C12orf54: variants seen among roughly 807,000 people sequenced by gnomAD.
C12orf54 encodes uncharacterized protein C12orf54.
Under a neutral mutation model 26.4 loss-of-function variants are expected in C12orf54, and 24 were observed. That is an observed-to-expected ratio of 0.91 (90% confidence interval 0.66 to 1.28). The LOEUF is 1.28. Ranked by LOEUF, C12orf54 falls within the 50% of genes most tolerant of loss-of-function variation. C12orf54 has a pLI of 0.00. For missense variants in C12orf54, 154 were observed against 150.9 expected (o/e 1.02, Z -0.11); for synonymous variants, 54 against 47.0 (o/e 1.15, Z -0.61).
the C12orf54 span, among the ~76,000 whole-genome samples, chr12:48,438,409 AG>A: frequency 6.6e-6 from 1 of 152,234 alleles, no homozygotes; most frequent in Non-Finnish European, 1.5e-5. Context: ...ACTACTTTAA[AG>A]TTCATATGGA....
chr12:48,476,804 G>T, the C12orf54 span, among the ~76,000 whole-genome samples: 1 of 152,046 alleles, frequency 6.6e-6, no homozygotes, highest in African/African-American at 2.4e-5. Flanking sequence ...ATGGGAGATG[G>T]TAACACCCCA....
At chr12:48,481,210 T>TA (rs66958027), upstream of C12orf54, among the ~76,000 whole-genome samples, 42 of 151,044 alleles carry the variant, frequency 2.8e-4, no homozygotes, top group Non-Finnish European at 4.7e-4. Context: ...GTTTTTTTTT[T>TA]AAAAAAAATG....
chr12:48,454,545 G>A, the C12orf54 span, among the ~76,000 whole-genome samples: 2 of 152,296 alleles, frequency 1.3e-5, no homozygotes, highest in East Asian at 3.9e-4. Flanking sequence ...AGGTCTGATT[G>A]CTAAGAATAA....
the C12orf54 span, among the ~76,000 whole-genome samples, chr12:48,424,080 C>T: frequency 6.6e-6 from 1 of 152,012 alleles, no homozygotes; most frequent in African/African-American, 2.4e-5. Context: ...TTATCAAAGA[C>T]TTTTTCTGCA....
the C12orf54 span, among the ~76,000 whole-genome samples, chr12:48,435,912 T>C: frequency 6.6e-6 from 1 of 152,028 alleles, no homozygotes; most frequent in Non-Finnish European, 1.5e-5. Context: ...ATAATAATAA[T>C]AATGTTAAAT....
At position 48,494,783 on chromosome 12, in the gene C12orf54, T is replaced by C. The variant is rs1170276295; in HGVS notation, c.243-15T>C. 1 of 1,612,382 alleles carries C rather than the reference T, an allele frequency of 6.2e-7. No individual in the cohort carries two copies. The highest frequency in any genetic ancestry group is 8.5e-7 in the Non-Finnish European group (1 of 1,178,500). On this transcript the variant is annotated splice_polypyrimidine_tract_variant and intron_variant, in intron 7 of 8. Coordinates refer to ENST00000548364, the MANE Select transcript of C12orf54 (RefSeq NM_152319.4). ...TCTTTCCCTCATGTCTACAACTTTC[T>C]CTATTTTGGCACAGAAGCATAAGGC...
the C12orf54 span, among the ~76,000 whole-genome samples, chr12:48,453,417 A>G: frequency 6.0e-3 from 911 of 151,256 alleles, 3 homozygotes; most frequent in Middle Eastern, 0.017. Flanking sequence ...TGATGAGATG[A>G]TCTGTGCAGC....
chr12:48,463,660 C>T, the C12orf54 span, among the ~76,000 whole-genome samples: 5 of 151,438 alleles, frequency 3.3e-5, no homozygotes, highest in South Asian at 8.3e-4. Flanking sequence ...CCTTGATGAA[C>T]ATCAGTGCAA....
chr12:48,471,742 A>G, the C12orf54 span, among the ~76,000 whole-genome samples: 4 of 152,070 alleles, frequency 2.6e-5, no homozygotes, highest in Non-Finnish European at 4.4e-5. Context: ...TTTGGTTACT[A>G]TAGCTTTATA....
chr12:48,444,923 A>G, the C12orf54 span, among the ~76,000 whole-genome samples: 3 of 152,350 alleles, frequency 2.0e-5, no homozygotes, highest in East Asian at 5.8e-4. Flanking sequence ...CTGTAATCCC[A>G]GCACTTTGGG....
chr12:48,480,533 A>G (rs1342168656), upstream of C12orf54, among the ~76,000 whole-genome samples: 1 of 151,664 alleles, frequency 6.6e-6, no homozygotes, highest in East Asian at 1.9e-4. Flanking sequence ...ACAATGAGAC[A>G]TCTCATCTCA....
the C12orf54 span, among the ~76,000 whole-genome samples, chr12:48,466,974 T>C: frequency 6.6e-6 from 1 of 152,114 alleles, no homozygotes; most frequent in East Asian, 1.9e-4. Context: ...GTAGTATATG[T>C]ATATGTAGTG....
At chr12:48,427,446 T>C in the C12orf54 span, among the ~76,000 whole-genome samples, 1 of 152,152 alleles carries the variant, frequency 6.6e-6, no homozygotes. Context: ...TGTGGTGGAT[T>C]CGCTTTTTAA....
chr12:48,490,061 G>A (rs1422207924), intron 5 of C12orf54, among the ~76,000 whole-genome samples: 1 of 152,112 alleles, frequency 6.6e-6, no homozygotes, highest in Admixed American at 6.5e-5. Flanking sequence ...CGTACTTAAA[G>A]CTTCTCTGCA....
the C12orf54 span, among the ~76,000 whole-genome samples, chr12:48,440,606 A>G: frequency 6.6e-6 from 1 of 152,336 alleles, no homozygotes; most frequent in East Asian, 1.9e-4. Context: ...CTACTTGTCT[A>G]GCAATGTGTA....
the C12orf54 span, among the ~76,000 whole-genome samples, chr12:48,462,333 A>T: frequency 1.3e-5 from 2 of 151,610 alleles, no homozygotes; most frequent in African/African-American, 4.8e-5. Flanking sequence ...TAAATAATAA[A>T]AAATAAACAA....
the C12orf54 span, among the ~76,000 whole-genome samples, chr12:48,477,424 C>CA: frequency 3.9e-5 from 6 of 152,072 alleles, no homozygotes; most frequent in African/African-American, 1.2e-4. Context: ...AATAGAGACA[C>CA]AAAAAACCCT....
chr12:48,487,962 A>C (rs1937690698), intron 4 of C12orf54: 3 of 730,468 alleles, frequency 4.1e-6, no homozygotes, highest in Non-Finnish European at 7.4e-6. Flanking sequence ...ATACCTAAGA[A>C]GAACTGGGTT....
At chr12:48,452,375 A>G in the C12orf54 span, among the ~76,000 whole-genome samples, 169 of 152,378 alleles carry the variant, frequency 1.1e-3, no homozygotes, top group African/African-American at 3.6e-3. Flanking sequence ...CCAAAACTGT[A>G]AAAACTCTAC....
Sources: gnomAD v4.1 joint callset for allele counts (sites outside exome capture counted in the v4.1 genomes callset) on GRCh38, gnomAD v4.1.1 for gene constraint, MANE v1.5 for transcripts, NCBI Gene and HGNC (gene_info 2026-07-23, HGNC 2026-07-21) for gene names.